The following RGS7 variants were observed in gnomAD, a reference collection of about 807,000 sequenced individuals.
RGS7 encodes the protein regulator of G protein signaling 7.
In RGS7, 27 loss-of-function variants were observed where a neutral mutation model predicts 81.1. The observed-to-expected ratio is 0.33, with a 90% confidence interval of 0.25 to 0.46. The LOEUF is 0.46. Among genes scored for constraint, RGS7 ranks in the 20% least tolerant of loss-of-function variants. RGS7 has a pLI of 1.00. For synonymous variants in RGS7, 208 were observed against 207.7 expected (o/e 1.00, Z -0.01); for missense variants, 396 against 607.4 (o/e 0.65, Z 3.66).
intron 2 of RGS7, among the ~76,000 whole-genome samples, chr1:241,351,399 A>G (rs1194555183): frequency 2.7e-5 from 4 of 147,732 alleles, no homozygotes; most frequent in Admixed American, 6.9e-5. Context: ...AGCCTGGTCA[A>G]CAGAGCAATA....
At chr1:240,961,924 A>T (rs538152830) in intron 4 of RGS7, among the ~76,000 whole-genome samples, 1 of 152,272 alleles carries the variant, frequency 6.6e-6, no homozygotes, top group East Asian at 1.9e-4. Context: ...AGAGGAAGGA[A>T]GGGAGGAAGG....
chr1:240,879,154 T>C (rs1392934891), intron 6 of RGS7, among the ~76,000 whole-genome samples: 5 of 152,192 alleles, frequency 3.3e-5, no homozygotes, highest in African/African-American at 1.2e-4. Context: ...TCTAACCCTT[T>C]CAGTAGATTT....
At chr1:240,860,094 A>C (rs1054208421) in intron 9 of RGS7, among the ~76,000 whole-genome samples, 2 of 152,176 alleles carry the variant, frequency 1.3e-5, no homozygotes, top group Non-Finnish European at 2.9e-5. Flanking sequence ...AAATTTGTTA[A>C]GGTGTGTTTT....
chr1:240,975,400 T>TAAACAAACAAAC (rs143065066), intron 4 of RGS7, among the ~76,000 whole-genome samples: 2 of 150,670 alleles, frequency 1.3e-5, no homozygotes, highest in Admixed American at 1.3e-4. Context: ...AGACTTCGTC[T>TAAACAAACAAAC]AAACAAACAA....
At chr1:241,221,096 G>GAAGA (rs1553289769) in intron 2 of RGS7, among the ~76,000 whole-genome samples, 197 of 97,526 alleles carry the variant, frequency 2.0e-3, no homozygotes, top group Admixed American at 5.5e-3. Flanking sequence ...AGGAAGAAAG[G>GAAGA]AAGGAAGGAA....
rs140528632 is a variant in RGS7, at chr1:241,151,138, C to T, written c.79-52376G>A. On this transcript the variant is annotated intron_variant, in intron 2 of 18. Coordinates refer to ENST00000440928, the MANE Select transcript of RGS7 (RefSeq NM_001364886.1). Reference sequence around the variant, plus strand: ...GGCGCACATGCTAGTCTCCTGCATACACACCCTAACAGTCGTGCCCAGAAA... The same window carrying T: ...GGCGCACATGCTAGTCTCCTGCATATACACCCTAACAGTCGTGCCCAGAAA... 5.1e-4 allele frequency among the ~76,000 whole-genome samples: 77 copies of T among 152,342 alleles called. 1 individual carries two copies. The highest frequency in any genetic ancestry group is 2.6e-4 in the Non-Finnish European group (18 of 68,030).
At position 240,775,826 on chromosome 1, in the gene RGS7, T is replaced by G; in HGVS notation, c.*394A>C. On this transcript the variant is annotated 3_prime_UTR_variant, in exon 19 of 19. Coordinates refer to ENST00000440928, the MANE Select transcript of RGS7 (RefSeq NM_001364886.1). Reference sequence around the variant, plus strand: ...ACAGTTCTTCCAGTTTTTGACTGACTGAATTTTCAGTGAACTGTGTGTCTA... The same window carrying G: ...ACAGTTCTTCCAGTTTTTGACTGACGGAATTTTCAGTGAACTGTGTGTCTA... 1 of 270,940 alleles carries G rather than the reference T, an allele frequency of 3.7e-6. No homozygotes were observed. Among genetic ancestry groups the G allele is most frequent in the Non-Finnish European group, 7.2e-6 (1 of 139,020 alleles). The allele number at this position is 270,940 out of a possible 1,614,324, so 16.8% of individuals were successfully genotyped here.
chr1:241,029,131 G>GAAAAA (rs752973671), intron 3 of RGS7, among the ~76,000 whole-genome samples: 1 of 125,976 alleles, frequency 7.9e-6, no homozygotes, highest in African/African-American at 2.7e-5. Context: ...ATGTAAAAAA[G>GAAAAA]AAAAACAAAA....
At chr1:241,222,938 G>A (rs1433587123) in intron 2 of RGS7, among the ~76,000 whole-genome samples, 1 of 151,712 alleles carries the variant, frequency 6.6e-6, no homozygotes, top group Non-Finnish European at 1.5e-5. Flanking sequence ...TCTTGCAATA[G>A]TTTGCTGAGA....
chr1:241,231,475 T>A (rs1317203227), intron 2 of RGS7, among the ~76,000 whole-genome samples: 1 of 152,088 alleles, frequency 6.6e-6, no homozygotes, highest in Non-Finnish European at 1.5e-5. Flanking sequence ...TTTGCCATGT[T>A]GGGCAGGCTG....
intron 9 of RGS7, among the ~76,000 whole-genome samples, chr1:240,859,440 G>GTTTTTTTTTTT (rs5782167): frequency 1.2e-4 from 13 of 110,824 alleles, no homozygotes; most frequent in African/African-American, 2.7e-4. Flanking sequence ...TTTCTTTCCT[G>GTTTTTTTTTTT]TTTTTTTTTT....
chr1:241,309,833 C>T (rs1043856966), intron 2 of RGS7, among the ~76,000 whole-genome samples: 1 of 152,242 alleles, frequency 6.6e-6, no homozygotes, highest in African/African-American at 2.4e-5. Context: ...TACAGCATTG[C>T]ACTTAACACA....
chr1:241,271,698 TTCTC>T lies in RGS7; in HGVS notation c.78+83997_78+84000del, dbSNP rs376737940. 7.3e-4 allele frequency among the ~76,000 whole-genome samples: 111 copies of T among 152,312 alleles called. 2 individuals are homozygous for T. The highest frequency in any genetic ancestry group is 2.6e-3 in the African/African-American group (110 of 41,580). On this transcript the variant is annotated intron_variant, in intron 2 of 18. Transcript: ENST00000440928. This position sits in a 1 kb window ranked among gnomAD's most constrained non-coding sequence, Gnocchi z 4.6. Reference sequence around the variant, plus strand: ...AACAGAAAGGTGGAAGAAGTAAGGATTCTCTCTCTGCTGGAGTGCTTGAGCTAGG... The same window carrying T: ...AACAGAAAGGTGGAAGAAGTAAGGATTCTCTGCTGGAGTGCTTGAGCTAGG...
Position 240,994,044 on chromosome 1 carries a change from C to T in RGS7, c.176-10915G>A, listed in dbSNP as rs193104015. ...TGTTTTATTGATCTACATGTCTATC[C>T]TTCTACCAACACCACACAGTTCTGT... On this transcript the variant is annotated intron_variant, in intron 3 of 18. Transcript: ENST00000440928. Among the ~76,000 whole-genome samples the T allele has an allele frequency of 2.5e-3, 382 of 152,262 alleles. 2 individuals are homozygous for T. The highest frequency in any genetic ancestry group is 4.2e-3 in the Non-Finnish European group (286 of 68,008).
intron 2 of RGS7, among the ~76,000 whole-genome samples, chr1:241,312,398 A>G (rs542113390): frequency 6.6e-6 from 1 of 152,278 alleles, no homozygotes; most frequent in African/African-American, 2.4e-5. Context: ...CTCCGCACTG[A>G]GCAAGGCCAT....
At chr1:241,091,453 CAGG>C (rs574983696) in intron 3 of RGS7, among the ~76,000 whole-genome samples, 1 of 151,808 alleles carries the variant, frequency 6.6e-6, no homozygotes, top group South Asian at 2.1e-4. Context: ...GAGGCTGAGG[CAGG>C]AGAATGGCGT....
chr1:241,332,292 G>C (rs780336375), intron 2 of RGS7, among the ~76,000 whole-genome samples: 7 of 152,198 alleles, frequency 4.6e-5, no homozygotes, highest in Non-Finnish European at 7.3e-5. Context: ...TCCTGGAAAA[G>C]AGAAGGCTTA....
rs921427946 is a variant in RGS7, at chr1:241,227,474, T to C, written c.78+128225A>G. 2.7e-5 allele frequency among the ~76,000 whole-genome samples: 4 copies of C among 148,866 alleles called. No homozygotes were observed. In the Admixed American group the frequency reaches 2.7e-4, roughly 10 times the overall value. On this transcript the variant is annotated intron_variant, in intron 2 of 18. Coordinates refer to ENST00000440928, the MANE Select transcript of RGS7 (RefSeq NM_001364886.1). Reference sequence around the variant, plus strand: ...TTTCAAGAGCGAATAGGCTCACACCTATAATCCTAGCGCTTTGAGAGGCTC... The same window carrying C: ...TTTCAAGAGCGAATAGGCTCACACCCATAATCCTAGCGCTTTGAGAGGCTC...
intron 3 of RGS7, among the ~76,000 whole-genome samples, chr1:241,060,517 C>T (rs2061688162): frequency 6.6e-6 from 1 of 152,146 alleles, no homozygotes; most frequent in Non-Finnish European, 1.5e-5. Context: ...AGGAGTATGC[C>T]TCAAACCAAG....
Sources: gnomAD v4.1 joint callset for allele counts (sites outside exome capture counted in the v4.1 genomes callset) on GRCh38, gnomAD v4.1.1 for gene constraint, Gnocchi (gnomAD v3.1) non-coding constraint, MANE v1.5 for transcripts, NCBI Gene and HGNC (gene_info 2026-07-23, HGNC 2026-07-21) for gene names.